LIN52: variants seen among roughly 807,000 people sequenced by gnomAD.
LIN52 encodes protein lin-52 homolog.
LIN52 carries 4 observed loss-of-function variants against 18.5 expected under a neutral mutation model. That is an observed-to-expected ratio of 0.22 (90% CI 0.11 to 0.49). The LOEUF is 0.49. Among genes scored for constraint, LIN52 ranks in the 20% least tolerant of loss-of-function variants. The pLI, the probability that LIN52 is intolerant of heterozygous loss-of-function variation, is 0.97. For missense variants in LIN52, 102 were observed against 139.5 expected, an observed-to-expected ratio of 0.73 and a Z score of 1.35; for synonymous variants, 34 against 45.5, an observed-to-expected ratio of 0.75 and a Z score of 1.02.
At chr14:74,107,987 AC>A in intron 5 of LIN52, among the ~76,000 whole-genome samples, 1 of 152,238 alleles carries the variant, frequency 6.6e-6, no homozygotes. Flanking sequence ...CATTTTCATC[AC>A]CTGAAAAACC....
chr14:74,111,769 A>T (rs1291554168), intron 5 of LIN52, among the ~76,000 whole-genome samples: 1 of 151,868 alleles, frequency 6.6e-6, no homozygotes, highest in Non-Finnish European at 1.5e-5. Flanking sequence ...CTAGCCTTTA[A>T]CCTCTAGATG....
intron 5 of LIN52, among the ~76,000 whole-genome samples, chr14:74,145,083 G>C (rs2061148128): frequency 6.6e-6 from 1 of 152,214 alleles, no homozygotes; most frequent in Non-Finnish European, 1.5e-5. Context: ...AGTGGTAGCT[G>C]TAGTTGGCTT....
chr14:74,184,661 C>T (rs1039786392), intron 5 of LIN52, among the ~76,000 whole-genome samples: 6 of 152,260 alleles, frequency 3.9e-5, no homozygotes, highest in African/African-American at 7.2e-5. Flanking sequence ...TCTATTAAAT[C>T]GGCAACTGTT....
intron 4 of LIN52, among the ~76,000 whole-genome samples, chr14:74,099,751 A>T (rs1303967353): frequency 2.0e-5 from 3 of 152,058 alleles, no homozygotes; most frequent in Admixed American, 2.0e-4. Context: ...ATGAAATCAC[A>T]GGGAGTCAAA....
At chr14:74,131,319 C>CT (rs34203200) in intron 5 of LIN52, among the ~76,000 whole-genome samples, 2,049 of 137,956 alleles carry the variant, frequency 0.015, 29 homozygotes, top group African/African-American at 0.035. Context: ...ATTTAAGTGA[C>CT]TTTTTTTTTT....
chr14:74,137,273 A>T (rs1415874476), intron 5 of LIN52, among the ~76,000 whole-genome samples: 1 of 150,586 alleles, frequency 6.6e-6, no homozygotes, highest in Non-Finnish European at 1.5e-5. Context: ...GCTTAAGAAC[A>T]CATCTCCTAA....
chr14:74,132,510 T>G (rs1417155469), intron 5 of LIN52, among the ~76,000 whole-genome samples: 1 of 152,112 alleles, frequency 6.6e-6, no homozygotes, highest in Non-Finnish European at 1.5e-5. Context: ...ATTTTTTTTG[T>G]TTGGTTGGTT....
chr14:74,144,485 A>G (rs1838074476), intron 5 of LIN52, among the ~76,000 whole-genome samples: 1 of 152,094 alleles, frequency 6.6e-6, no homozygotes. Flanking sequence ...ATGCAGCAAA[A>G]AGATTCTTTT....
Position 74,142,247 on chromosome 14 carries a change from A to T in LIN52, c.283+41009A>T, listed in dbSNP as rs62005156. On this transcript the variant is annotated intron_variant, in intron 5 of 5. Coordinates refer to ENST00000555028, the MANE Select transcript of LIN52 (RefSeq NM_001024674.3). ...TCCCATTCTCAACACTTCAAAATTG[A>T]GGTTTGACCAAATATTGAAGAGATG... 5.1e-3 allele frequency among the ~76,000 whole-genome samples: 776 copies of T among 152,326 alleles called. 5 individuals are homozygous for T. The highest frequency in any genetic ancestry group is 8.5e-3 in the Non-Finnish European group (578 of 68,026).
At chr14:74,114,449 A>C in intron 5 of LIN52, 2 of 984,818 alleles carry the variant, frequency 2.0e-6, no homozygotes, top group South Asian at 9.4e-5. Flanking sequence ...AAGTGCACTG[A>C]CAATAGATTT....
At chr14:74,098,616 C>T (rs555098101) in intron 4 of LIN52, among the ~76,000 whole-genome samples, 174 of 149,852 alleles carry the variant, frequency 1.2e-3, no homozygotes, top group Non-Finnish European at 2.3e-3. Context: ...GGTGCGATCT[C>T]GGCTCACTGC....
intron 5 of LIN52, among the ~76,000 whole-genome samples, chr14:74,137,155 A>AAT (rs200281716): frequency 3.1e-4 from 35 of 113,520 alleles, no homozygotes; most frequent in African/African-American, 5.9e-4. Context: ...TTTATATATG[A>AAT]ATATATATAT....
rs2061199715 is a variant in LIN52 at position 74,156,521 on chromosome 14, CAT to C, written c.284-42399_284-42398del. On this transcript the variant is annotated intron_variant, in intron 5 of 5. Transcript: ENST00000555028. ...TTGCTTTCATTGTTTTTAATTGACA[CAT>C]AATAATTGCACATATTTGTGAGTTA... Among the ~76,000 whole-genome samples, 4 of 152,126 alleles carry C rather than the reference CAT, an allele frequency of 2.6e-5. No homozygotes were observed. In the South Asian group the frequency reaches 8.3e-4, roughly 32 times the overall value.
At chr14:74,154,545 GT>G (rs1383556508) in intron 5 of LIN52, among the ~76,000 whole-genome samples, 2 of 152,272 alleles carry the variant, frequency 1.3e-5, no homozygotes, top group Non-Finnish European at 2.9e-5. Context: ...AAGAGTCTAG[GT>G]TATATGATCT....
At chr14:74,196,945 C>G (rs2078916062) in intron 5 of LIN52, among the ~76,000 whole-genome samples, 1 of 152,206 alleles carries the variant, frequency 6.6e-6, no homozygotes, top group African/African-American at 2.4e-5. Flanking sequence ...AGTTCAAATC[C>G]TGTGTTCTCT....
Position 74,136,279 on chromosome 14 carries a change from T to C in LIN52, c.283+35041T>C, listed in dbSNP as rs142134689. Among the ~76,000 whole-genome samples the C allele has an allele frequency of 4.0e-3, 608 of 152,328 alleles. 5 individuals carry two copies. The highest frequency in any genetic ancestry group is 0.014 in the African/African-American group (575 of 41,570). Reference sequence around the variant, plus strand: ...TTTTTCTTTTATTAATTTTATACAATCTGATTGTAAGCACAGGTTTGGACC... The same window carrying C: ...TTTTTCTTTTATTAATTTTATACAACCTGATTGTAAGCACAGGTTTGGACC... On this transcript the variant is annotated intron_variant, in intron 5 of 5. Transcript: ENST00000555028.
intron 5 of LIN52, among the ~76,000 whole-genome samples, chr14:74,162,119 T>G (rs2061227904): frequency 6.6e-6 from 1 of 152,156 alleles, no homozygotes; most frequent in African/African-American, 2.4e-5. Flanking sequence ...TTGATAACTA[T>G]CATTCAATTA....
chr14:74,125,434 A>C (rs1244131721), intron 5 of LIN52, among the ~76,000 whole-genome samples: 2 of 152,108 alleles, frequency 1.3e-5, no homozygotes, highest in East Asian at 3.9e-4. Context: ...GTGTCTGTTC[A>C]TATCCTTCGC....
rs1595182103 is a variant in LIN52 at position 74,165,936 on chromosome 14, G to T, written c.284-32986G>T. On this transcript the variant is annotated intron_variant, in intron 5 of 5. Transcript: ENST00000555028. ...GACAGAGTTTCGTTCTTCTTGCCCA[G>T]GCTAGGGTGCAATGGCATGATCTCA... is the stretch of plus-strand genomic sequence containing the variant. Among the ~76,000 whole-genome samples the T allele has an allele frequency of 1.3e-5, 2 of 150,880 alleles. 1 individual carries two copies. Among genetic ancestry groups the T allele is most frequent in the Middle Eastern group, 6.8e-3 (2 of 294 alleles).
Sources: gnomAD v4.1 joint callset for allele counts (sites outside exome capture counted in the v4.1 genomes callset) on GRCh38, gnomAD v4.1.1 for gene constraint, MANE v1.5 for transcripts, NCBI Gene and HGNC (gene_info 2026-07-23, HGNC 2026-07-21) for gene names.